DUS3L: variants seen among roughly 807,000 people sequenced by gnomAD.
DUS3L encodes tRNA-dihydrouridine(47) synthase [NAD(P)(+)]-like.
Under a neutral mutation model 74.6 loss-of-function variants are expected in DUS3L, and 62 were observed. That is an observed-to-expected ratio of 0.83 (90% confidence interval 0.68 to 1.03). DUS3L has a LOEUF of 1.03. Ranked by LOEUF, DUS3L falls within the 50% of genes least tolerant of loss-of-function variation. The probability of loss-of-function intolerance (pLI) is 0.00; values close to 1 mark genes in which losing one functional copy is unlikely to be tolerated. For missense variants in DUS3L, 884 were observed against 924.4 expected (o/e 0.96, Z 0.57); for synonymous variants, 433 against 395.7 (o/e 1.09, Z -1.12).
In DUS3L at chr19:5,787,573, C is replaced by T. The variant is rs754118371; in HGVS notation, c.1212+16G>A. On this transcript the variant is annotated intron_variant, in intron 6 of 12. Coordinates refer to ENST00000309061, the MANE Select transcript of DUS3L (RefSeq NM_020175.3). ...GCCCAGATGGGGAAACCGAGGCACA[C>T]GTCCAGGGCCGCTACCTTCTTGTAC... 16 of 1,611,076 alleles carry T rather than the reference C, an allele frequency of 9.9e-6. No homozygotes were observed. The highest frequency in any genetic ancestry group is 7.7e-5 in the South Asian group (7 of 91,060).
At position 5,790,219 on chromosome 19, in the gene DUS3L, G is replaced by A. The variant is rs1331426072; in HGVS notation, c.215C>T (p.Ala72Val). 1.2e-6 allele frequency: 2 copies of A among 1,614,054 alleles called. No homozygotes were observed. Among genetic ancestry groups the A allele is most frequent in the Admixed American group, 1.7e-5 (1 of 59,996 alleles). Reference sequence around the variant, plus strand: ...TCCATCCTCCAGTCGGATCCGCTTAGCCTCAGGCTCAGCCAGCTCATTGCC... The same window carrying A: ...TCCATCCTCCAGTCGGATCCGCTTAACCTCAGGCTCAGCCAGCTCATTGCC... ...PAGNELAEPEAKRIRLEDGQT... is the reference protein window; with the variant it reads ...PAGNELAEPEVKRIRLEDGQT... Residue 72 changes from alanine to valine, a missense_variant, in exon 2 of 13, where the codon GCT becomes GTT. Coordinates refer to ENST00000309061, the MANE Select transcript of DUS3L (RefSeq NM_020175.3).
rs2056846654 is a variant in DUS3L at position 5,786,776 on chromosome 19, G to A, written c.1459C>T (p.Gln487Ter). 1 of 1,612,192 alleles carries A rather than the reference G, an allele frequency of 6.2e-7. No individual in the cohort carries two copies. Among genetic ancestry groups the A allele is most frequent in the Non-Finnish European group, 8.5e-7 (1 of 1,179,798 alleles). Residue 487 changes from glutamine (Q) to a stop codon, truncating the protein, a stop_gained, in exon 9 of 13, where the codon CAG becomes TAG. Coordinates refer to ENST00000309061, the MANE Select transcript of DUS3L (RefSeq NM_020175.3). LOFTEE classifies it high-confidence loss of function. ...AACAGGGGCATGGGGCTGGCGGCCT[G>A]CACGCACTCCTCGATGTACTGCCAG... The part of the protein sequence containing the change: ...ADWQYIEECV[Q>*]AASPMPLFGN...
chr19:5,788,934 C>T (rs1250523100), intron 3 of DUS3L, among the ~76,000 whole-genome samples: 8 of 152,062 alleles, frequency 5.3e-5, no homozygotes, highest in African/African-American at 1.7e-4. Flanking sequence ...TTTGAACTCC[C>T]GACTTCAAAT....
rs1021970086 is a variant in DUS3L, at chr19:5,785,390, G to A, written c.1873C>T (p.Arg625Cys). The A allele has an allele frequency of 1.9e-5, 30 of 1,597,604 alleles. No individual in the cohort carries two copies. The highest frequency in any genetic ancestry group is 4.0e-5 in the African/African-American group (3 of 74,618). Residue 625 changes from arginine to cysteine, a missense_variant, in exon 12 of 13, where the codon CGC (arginine) becomes TGC (cysteine). Transcript: ENST00000309061. The stretch of plus-strand genomic sequence containing the variant: ...TCCAGCCCACCCAGGCACCTGATGC[G>A]GATCCAGTCGGCTGCCTTCTGGCTG... The part of the protein sequence containing the change: ...MASQKAADWI[R>C]ISEMLLGPVP...
chr19:5,791,086 C>T lies in DUS3L; in HGVS notation c.56G>A (p.Gly19Glu), dbSNP rs757677248. ...CACTCCTCGTTCCAAAGCTCCGGCT[C>T]CCGAGTCGCCACCACCACCATTCTC... is the stretch of plus-strand genomic sequence containing the variant. ...PLENGGGGDSGAGALERGVAP... is the reference protein window; with the variant it reads ...PLENGGGGDSEAGALERGVAP... Residue 19 changes from glycine (G) to glutamate (E), a missense_variant, in exon 1 of 13, where the codon GGA (glycine) becomes GAA (glutamate). By Grantham distance (98) the Gly-to-Glu change is moderately conservative. Coordinates refer to ENST00000309061, the MANE Select transcript of DUS3L (RefSeq NM_020175.3). The T allele has an allele frequency of 2.4e-5, 39 of 1,608,930 alleles. No homozygotes were observed. The highest frequency in any genetic ancestry group is 1.0e-4 in the South Asian group (9 of 89,874).
At chr19:5,785,575 G>A (rs777327605) in intron 11 of DUS3L, 28 bp downstream of exon 11, 22 of 1,580,970 alleles carry the variant, frequency 1.4e-5, no homozygotes, top group East Asian at 4.5e-5. Flanking sequence ...CCCACGCGCC[G>A]CCCACCCCAG....
intron 9 of DUS3L, 83 bp from the exon 10 acceptor site, chr19:5,786,625 T>G: frequency 6.3e-7 from 1 of 1,581,094 alleles, no homozygotes; most frequent in Non-Finnish European, 8.6e-7. Context: ...TCAGGAGTTT[T>G]GGCTGACCCA....
chr19:5,787,372 C>G lies in DUS3L; in HGVS notation c.1213-11G>C, dbSNP rs746784720. The G allele has an allele frequency of 6.2e-7, 1 of 1,612,726 alleles. No individual in the cohort carries two copies. Among genetic ancestry groups the G allele is most frequent in the Admixed American group, 1.7e-5 (1 of 59,914 alleles). On this transcript the variant is annotated splice_polypyrimidine_tract_variant and intron_variant, in intron 6 of 12. Coordinates refer to ENST00000309061, the MANE Select transcript of DUS3L (RefSeq NM_020175.3). ...GGCACAGCCCCCACCCTGGAAGAGACAGGCGGGTGGAGGGAGGGCAGGACG... is the reference window on the plus strand; with the variant it reads ...GGCACAGCCCCCACCCTGGAAGAGAGAGGCGGGTGGAGGGAGGGCAGGACG...
chr19:5,785,941 A>C, intron 10 of DUS3L, 150 bp from the exon 11 acceptor site: 1 of 794,564 alleles, frequency 1.3e-6, no homozygotes, highest in Non-Finnish European at 1.9e-6. Flanking sequence ...CAACCTTCAA[A>C]GCACAGGACT....
At chr19:5,790,990 C>T (rs746095928) in intron 1 of DUS3L, 54 bp downstream of exon 1, 49 of 1,514,520 alleles carry the variant, frequency 3.2e-5, no homozygotes, top group Non-Finnish European at 4.1e-5. Flanking sequence ...GCTCGGACCG[C>T]GCTATGGGTG....
rs748143836 is a variant in DUS3L, at chr19:5,785,177, C to A, written c.*26G>T. 6.3e-7 allele frequency: 1 copy of A among 1,588,786 alleles called. No homozygotes were observed. Among genetic ancestry groups the A allele is most frequent in the Admixed American group, 1.8e-5 (1 of 55,846 alleles). Reference sequence around the variant, plus strand: ...AAAATTTATTGTACTCTCCTCGCCCCAGGGTGCCCCTGGGAAAGCCTGAGG... The same window carrying A: ...AAAATTTATTGTACTCTCCTCGCCCAAGGGTGCCCCTGGGAAAGCCTGAGG... On this transcript the variant is annotated 3_prime_UTR_variant, in exon 13 of 13. Transcript: ENST00000309061.
rs1449973651 is a variant in DUS3L, at chr19:5,791,117, G to A, written c.25C>T (p.Pro9Ser). Residue 9 changes from proline to serine, a missense_variant, in exon 1 of 13, where the codon CCT becomes TCT. Coordinates refer to ENST00000309061, the MANE Select transcript of DUS3L (RefSeq NM_020175.3). The stretch of plus-strand genomic sequence containing the variant: ...TCGCCACCACCACCATTCTCTAGAG[G>A]AGCCTCCGCCGTTCCCTCCGCCATC... MAEGTAEA[P>S]LENGGGGDSG... 4 of 1,607,762 alleles carry A rather than the reference G, an allele frequency of 2.5e-6. No individual in the cohort carries two copies. The highest frequency in any genetic ancestry group is 3.4e-6 in the Non-Finnish European group (4 of 1,177,754).
At chr19:5,787,770 T>C (rs2056868482) in intron 5 of DUS3L, 65 bp from the exon 6 acceptor site, 1 of 1,558,806 alleles carries the variant, frequency 6.4e-7, no homozygotes, top group Non-Finnish European at 8.8e-7. Context: ...CACTTGGCCG[T>C]TCCCTCCCCA....
Position 5,787,696 on chromosome 19 carries a change from C to A in DUS3L, c.1105G>T (p.Ala369Ser). Residue 369 changes from alanine to serine, a missense_variant, in exon 6 of 13, where the codon GCC becomes TCC. Physicochemically the swap from Ala to Ser is moderately conservative, Grantham distance 99. Transcript: ENST00000309061. ...EDIFGVQLEG[A>S]FPDTMTKCAE... ...CACTTGGTCATGGTGTCGGGGAAGG[C>A]GCCCTCCAGCTGTAGGTGGGTAGTG... 6.2e-7 allele frequency: 1 copy of A among 1,613,256 alleles called. No homozygotes were observed.
chr19:5,789,719 C>A lies in DUS3L; in HGVS notation c.388G>T (p.Glu130Ter). 1.3e-6 allele frequency: 2 copies of A among 1,598,962 alleles called. No homozygotes were observed. Among genetic ancestry groups the A allele is most frequent in the East Asian group, 4.5e-5 (2 of 44,282 alleles). ...KNRLCPSLIQESAAKCFFGDR... is the reference protein window; with the variant it reads ...KNRLCPSLIQ Reference sequence around the variant, plus strand: ...CCGAAGAAACACTTAGCAGCCGACTCCTGCGAGGAAACAGGGAAGCAGTGA... The same window carrying A: ...CCGAAGAAACACTTAGCAGCCGACTACTGCGAGGAAACAGGGAAGCAGTGA... The change falls in exon 3 of 13, where the codon GAG becomes TAG. Residue 130 changes from glutamate to a stop codon, truncating the protein, a stop_gained and splice_region_variant. Transcript: ENST00000309061. LOFTEE classifies it high-confidence loss of function.
Position 5,789,436 on chromosome 19 carries a change from C to T in DUS3L, c.671G>A (p.Arg224His), listed in dbSNP as rs900774876. ...LQQQLRKREV[R>H]FERAEQALRR... is the part of the protein sequence containing the mutation. ...CAGGGCCTGCTCAGCTCGCTCGAAG[C>T]GGACCTCGCGCTTCCGCAGCTGCTG... Residue 224 changes from arginine (R) to histidine (H), a missense_variant, in exon 3 of 13, where the codon CGC becomes CAC. Arg to His is a conservative substitution (Grantham distance 29). Transcript: ENST00000309061. 2.5e-6 allele frequency: 4 copies of T among 1,599,014 alleles called. No homozygotes were observed. Among genetic ancestry groups the T allele is most frequent in the African/African-American group, 1.3e-5 (1 of 74,844 alleles).
At chr19:5,790,843 C>T (rs2056903207) in intron 1 of DUS3L, 2 of 613,212 alleles carry the variant, frequency 3.3e-6, no homozygotes, top group South Asian at 1.9e-5. Context: ...ACGTGGTGTC[C>T]TTCGCGCATG....
intron 2 of DUS3L, 111 bp downstream of exon 2, chr19:5,789,936 G>C (rs2056893196): frequency 6.9e-7 from 1 of 1,443,884 alleles, no homozygotes; most frequent in Admixed American, 2.0e-5. Flanking sequence ...ATCAGAGCAA[G>C]CTCACTGCTC....
chr19:5,788,165 C>G lies in DUS3L; in HGVS notation c.954G>C (p.Leu318=), dbSNP rs148148687. 997 of 1,613,490 alleles carry G rather than the reference C, an allele frequency of 6.2e-4. 6 individuals carry two copies. In the African/African-American group the frequency reaches 0.012, roughly 19 times the overall value. The change falls in exon 5 of 13, where the codon CTG becomes CTC. Residue 318 remains leucine (L), a synonymous_variant. Coordinates refer to ENST00000309061, the MANE Select transcript of DUS3L (RefSeq NM_020175.3). The part of the protein sequence containing the change: ...YLAPLTTCGN[L]PFRRICKRFG... ...AGCGCTTGCAGATCCGTCGGAAGGG[C>G]AGGTTCCCACACTGCGGGGGGAGCA...
Sources: allele counts gnomAD v4.1 joint callset (sites outside exome capture counted in the v4.1 genomes callset), GRCh38; gene constraint gnomAD v4.1.1; transcripts MANE v1.5; gene names NCBI Gene and HGNC (gene_info 2026-07-23, HGNC 2026-07-21).